Variants in FBXO24 observed in about 807,000 individuals in gnomAD.
The protein encoded by FBXO24 is F-box only protein 24.
In FBXO24, 30 loss-of-function variants were observed where a neutral mutation model predicts 63.5. That is an observed-to-expected ratio of 0.47 (90% CI 0.35 to 0.64). The LOEUF (loss-of-function observed/expected upper bound fraction) is 0.64. Ranked by LOEUF, FBXO24 falls within the 30% of genes least tolerant of loss-of-function variation. The pLI, the probability that FBXO24 is intolerant of heterozygous loss-of-function variation, is 0.00. For missense variants in FBXO24, 624 were observed against 763.4 expected (o/e 0.82, Z 2.15); for synonymous variants, 300 against 305.0 (o/e 0.98, Z 0.17).
At chr7:100,598,902 T>C (rs112888745) in intron 8 of FBXO24, among the ~76,000 whole-genome samples, 12,693 of 150,704 alleles carry the variant, frequency 0.084, 550 homozygotes, top group Middle Eastern at 0.097. Context: ...TTGCTTGAAC[T>C]GGAGAGGCGG....
At chr7:100,587,944 C>T (rs981921022) in intron 1 of FBXO24, among the ~76,000 whole-genome samples, 2 of 151,828 alleles carry the variant, frequency 1.3e-5, no homozygotes, top group Non-Finnish European at 2.9e-5. Context: ...CTCTGTTGCC[C>T]AGGCTGGAGT....
At position 100,600,593 on chromosome 7, in the gene FBXO24, C is replaced by G; in HGVS notation, c.1437C>G (p.Ser479Arg). Residue 479 changes from serine (S) to arginine (R), a missense_variant, in exon 10 of 10, where the codon AGC (serine) becomes AGG (arginine). Around this residue, in one of 3 missense-constraint regions of FBXO24, gnomAD observed 216 missense variants for 245.2 expected, o/e 0.88. Transcript: ENST00000241071. The surrounding 1 kb of genome is among the most constrained non-coding windows in gnomAD (Gnocchi z 6.3). ...ATRECLYILSSHDIEQHAPYR... is the reference protein window; with the variant it reads ...ATRECLYILSRHDIEQHAPYR... ...GGGAGTGCCTATACATCCTGTCCAG[C>G]CACGACATTGAGCAGCACGCCCCCT... 1 of 1,609,140 alleles carries G rather than the reference C, an allele frequency of 6.2e-7. No homozygotes were observed. Among genetic ancestry groups the G allele is most frequent in the Non-Finnish European group, 8.5e-7 (1 of 1,176,954 alleles).
At position 100,600,097 on chromosome 7, in the gene FBXO24, A is replaced by C. The variant is rs1802515535; in HGVS notation, c.1273A>C (p.Ser425Arg). ...GLNHSLVLSQSSEFSKELLGC... is the reference protein window; with the variant it reads ...GLNHSLVLSQRSEFSKELLGC... ...CAACCACTCCCTGGTGCTGAGCCAGAGCTCAGAGTTCAGCAAGGAGCTGCT... is the reference window on the plus strand; with the variant it reads ...CAACCACTCCCTGGTGCTGAGCCAGCGCTCAGAGTTCAGCAAGGAGCTGCT... Residue 425 changes from serine to arginine, a missense_variant, in exon 9 of 10, where the codon AGC (serine) becomes CGC (arginine). Coordinates refer to ENST00000241071, the MANE Select transcript of FBXO24 (RefSeq NM_033506.3). The surrounding 1 kb of genome is among the most constrained non-coding windows in gnomAD (Gnocchi z 6.3). 1 of 1,609,968 alleles carries C rather than the reference A, an allele frequency of 6.2e-7. No individual in the cohort carries two copies. Among genetic ancestry groups the C allele is most frequent in the Non-Finnish European group, 8.5e-7 (1 of 1,178,960 alleles).
At chr7:100,586,717 G>T (rs544041722) in intron 1 of FBXO24, 53 bp downstream of exon 1, 3 of 1,601,496 alleles carry the variant, frequency 1.9e-6, no homozygotes, top group Non-Finnish European at 2.6e-6. Flanking sequence ...GCCCCTGGCC[G>T]GCCGGGAACG....
intron 1 of FBXO24, among the ~76,000 whole-genome samples, chr7:100,587,111 C>A (rs1396658206): frequency 2.0e-5 from 3 of 152,200 alleles, no homozygotes; most frequent in Non-Finnish European, 4.4e-5. Flanking sequence ...AATGCAGAAA[C>A]TGAGGCAGAG....
intron 4 of FBXO24, 137 bp downstream of exon 4, chr7:100,592,039 T>C (rs1224641760): frequency 1.2e-6 from 1 of 819,322 alleles, no homozygotes; most frequent in Non-Finnish European, 1.9e-6. Flanking sequence ...GGCAGGCGGA[T>C]CAGCTGAGAC....
chr7:100,600,707 G>C lies in FBXO24; in HGVS notation c.1551G>C (p.Gln517His). 1 of 1,614,206 alleles carries C rather than the reference G, an allele frequency of 6.2e-7. No individual in the cohort carries two copies. The highest frequency in any genetic ancestry group is 1.7e-5 in the Admixed American group (1 of 60,028). The change falls in exon 10 of 10, where the codon CAG (glutamine) becomes CAC (histidine). Residue 517 changes from glutamine (Q) to histidine (H), a missense_variant. Physicochemically the swap from Gln to His is conservative, Grantham distance 24. This residue lies in a region of FBXO24 where 216 missense variants were observed against 245.2 expected (regional missense o/e 0.88). Transcript: ENST00000241071. This position sits in a 1 kb window ranked among gnomAD's most constrained non-coding sequence, Gnocchi z 6.3. ...RAPQDPGGMAQACEEYLSQIH... is the reference protein window; with the variant it reads ...RAPQDPGGMAHACEEYLSQIH... ...CCCAGGACCCCGGGGGGATGGCCCA[G>C]GCCTGCGAGGAGTACCTCAGCCAGA... is the stretch of plus-strand genomic sequence containing the variant.
chr7:100,600,037 T>A lies in FBXO24; in HGVS notation c.1213T>A (p.Tyr405Asn), dbSNP rs1168135099. Residue 405 changes from tyrosine to asparagine, a missense_variant, in exon 9 of 10, where the codon TAC (tyrosine) becomes AAC (asparagine). By Grantham distance (143) the Tyr-to-Asn change is moderately radical. Transcript: ENST00000241071. The surrounding 1 kb of genome is among the most constrained non-coding windows in gnomAD (Gnocchi z 6.3). ...CCTGGCCGTGTGTCCCCAGGTTTGTTACCTGCAGCGGCCCATCACCCTGTG... is the reference window on the plus strand; with the variant it reads ...CCTGGCCGTGTGTCCCCAGGTTTGTAACCTGCAGCGGCCCATCACCCTGTG... ...MDRGEPTQVC[Y>N]LQRPITLWCG... 1 of 1,610,080 alleles carries A rather than the reference T, an allele frequency of 6.2e-7. No homozygotes were observed. Among genetic ancestry groups the A allele is most frequent in the Admixed American group, 1.7e-5 (1 of 59,798 alleles).
chr7:100,597,893 G>T (rs867384442), intron 8 of FBXO24, among the ~76,000 whole-genome samples: 2,369 of 134,686 alleles, frequency 0.018, 24 homozygotes, highest in Non-Finnish European at 0.022. Flanking sequence ...TGTTTTTTTT[G>T]TTTTTTTTTT....
chr7:100,592,169 G>C, intron 4 of FBXO24: 1 of 391,280 alleles, frequency 2.6e-6, no homozygotes, highest in Non-Finnish European at 4.8e-6. Flanking sequence ...TGAGGCAGGA[G>C]AATTGCTTGA....
At chr7:100,586,781 G>GCGT (rs1393788641) in intron 1 of FBXO24, 117 bp downstream of exon 1, 1 of 1,152,782 alleles carries the variant, frequency 8.7e-7, no homozygotes, top group African/African-American at 1.5e-5. Flanking sequence ...GGGCTAGCCG[G>GCGT]CGTCCAGGGC....
rs1802183182 is a variant in FBXO24, at chr7:100,594,279, T to C, written c.794-104T>C. On this transcript the variant is annotated intron_variant, in intron 5 of 9. Transcript: ENST00000241071. This position sits in a 1 kb window ranked among gnomAD's most constrained non-coding sequence, Gnocchi z 4.2. ...CCTTATTTCTTTCTCAGCCCCACTC[T>C]AGGGCAGTAAATGTGTCACCCATAT... The C allele has an allele frequency of 1.5e-6, 2 of 1,312,026 alleles. No individual in the cohort carries two copies. The highest frequency in any genetic ancestry group is 4.4e-5 in the Admixed American group (2 of 45,084). 81.3% of individuals were successfully genotyped at this position (1,312,026 alleles called of 1,614,324 possible).
At chr7:100,598,402 G>C (rs1234932555) in intron 8 of FBXO24, among the ~76,000 whole-genome samples, 1 of 152,146 alleles carries the variant, frequency 6.6e-6, no homozygotes, top group African/African-American at 2.4e-5. Flanking sequence ...ACAGGCTCAG[G>C]AGAATGAGGG....
chr7:100,586,689 G>T, intron 1 of FBXO24, 25 bp downstream of exon 1: 1 of 1,613,980 alleles, frequency 6.2e-7, no homozygotes, highest in South Asian at 1.1e-5. Context: ...TAAGACTGAG[G>T]TTAAGAATGA....
chr7:100,591,031 A>ATTTTTTTTTTTTT (rs930978218), intron 3 of FBXO24, among the ~76,000 whole-genome samples: 2 of 86,672 alleles, frequency 2.3e-5, no homozygotes, highest in Non-Finnish European at 4.3e-5. Context: ...TTTTTCTTTG[A>ATTTTTTTTTTTTT]TTTTTTTTTT....
rs750715036 is a variant in FBXO24 at position 100,600,622 on chromosome 7, G to A, written c.1466G>A (p.Arg489His). The change falls in exon 10 of 10, where the codon CGC becomes CAC. Residue 489 changes from arginine to histidine, a missense_variant. Arg to His is a conservative substitution (Grantham distance 29, BLOSUM62 0). This residue lies in a region of FBXO24 where 216 missense variants were observed against 245.2 expected (regional missense o/e 0.88). Coordinates refer to ENST00000241071, the MANE Select transcript of FBXO24 (RefSeq NM_033506.3). This position sits in a 1 kb window ranked among gnomAD's most constrained non-coding sequence, Gnocchi z 6.3. ...GACATTGAGCAGCACGCCCCCTATC[G>A]CCACCTGCCAGCCAGCAGGGTGGTG... is the stretch of plus-strand genomic sequence containing the variant. ...SHDIEQHAPYRHLPASRVVGT... is the reference protein window; with the variant it reads ...SHDIEQHAPYHHLPASRVVGT... 1.5e-5 allele frequency: 24 copies of A among 1,613,466 alleles called. No individual in the cohort carries two copies. In the Admixed American group the frequency reaches 1.8e-4, roughly 12 times the overall value.
Position 100,600,290 on chromosome 7 carries a change from G to C in FBXO24, c.1377+89G>C. On this transcript the variant is annotated intron_variant, in intron 9 of 9. Transcript: ENST00000241071. This position sits in a 1 kb window ranked among gnomAD's most constrained non-coding sequence, Gnocchi z 6.3. ...CAGGCTGTAGCTGGGGCTCCTGCAG[G>C]GACCCAGGGGGTCCCATTTCCCTAG... 1 of 1,425,508 alleles carries C rather than the reference G, an allele frequency of 7.0e-7. No individual in the cohort carries two copies. The highest frequency in any genetic ancestry group is 2.5e-5 in the East Asian group (1 of 39,830). 88.3% of individuals were successfully genotyped at this position (1,425,508 alleles called of 1,614,324 possible).
At chr7:100,598,496 C>T (rs766382364) in intron 8 of FBXO24, among the ~76,000 whole-genome samples, 2 of 152,048 alleles carry the variant, frequency 1.3e-5, no homozygotes, top group East Asian at 1.9e-4. Flanking sequence ...GAGAGAAAAG[C>T]GAGATCCCAG....
rs779018332 is a variant in FBXO24, at chr7:100,586,589, G to A, written c.-37G>A. 19 of 1,612,912 alleles carry A rather than the reference G, an allele frequency of 1.2e-5. No homozygotes were observed. The highest frequency in any genetic ancestry group is 1.5e-5 in the Non-Finnish European group (18 of 1,179,030). ...GAGCCTCCGAAGGGAATCTGGACCTGCCTCTTCTCTGAGGGACGGCTCTAC... is the reference window on the plus strand; with the variant it reads ...GAGCCTCCGAAGGGAATCTGGACCTACCTCTTCTCTGAGGGACGGCTCTAC... On this transcript the variant is annotated 5_prime_UTR_variant, in exon 1 of 10. Coordinates refer to ENST00000241071, the MANE Select transcript of FBXO24 (RefSeq NM_033506.3).
Sources: gnomAD v4.1 joint callset for allele counts (sites outside exome capture counted in the v4.1 genomes callset) on GRCh38, gnomAD v4.1.1 for gene constraint, gnomAD v4.1.1 regional missense constraint, Gnocchi (gnomAD v3.1) non-coding constraint, MANE v1.5 for transcripts, NCBI Gene and HGNC (gene_info 2026-07-23, HGNC 2026-07-21) for gene names.